ABHD13: variants seen among roughly 807,000 people sequenced by gnomAD.
The protein encoded by ABHD13 is abhydrolase domain containing 13, also known as protein ABHD13.
In ABHD13, 7 loss-of-function variants were observed where a neutral mutation model predicts 25.2. The ratio of observed to expected loss-of-function variants is 0.28; its 90% confidence interval spans 0.16 to 0.52. The LOEUF (loss-of-function observed/expected upper bound fraction) is 0.52. Among genes scored for constraint, ABHD13 ranks in the 20% least tolerant of loss-of-function variants. The probability of loss-of-function intolerance (pLI) is 0.96; values close to 1 mark genes in which losing one functional copy is unlikely to be tolerated. For missense variants in ABHD13, 302 were observed against 402.7 expected, an observed-to-expected ratio of 0.75 and a Z score of 2.14; for synonymous variants, 133 against 136.1, an observed-to-expected ratio of 0.98 and a Z score of 0.16.
rs1174542005 is a variant in ABHD13, at chr13:108,231,090, C to T, written c.*858C>T. ...AAGTCTTCAGCTGAACCACTAATAGCAGTCATAGTGAAGATTAGCACTACT... is the reference window on the plus strand; with the variant it reads ...AAGTCTTCAGCTGAACCACTAATAGTAGTCATAGTGAAGATTAGCACTACT... On this transcript the variant is annotated 3_prime_UTR_variant, in exon 2 of 2. Transcript: ENST00000375898. 6.0e-6 allele frequency: 1 copy of T among 166,626 alleles called. No individual in the cohort carries two copies. The highest frequency in any genetic ancestry group is 1.5e-5 in the Non-Finnish European group (1 of 67,954). 10.3% of individuals were successfully genotyped at this position (166,626 alleles called of 1,614,324 possible).
chr13:108,221,512 G>A (rs751698231), intron 1 of ABHD13, among the ~76,000 whole-genome samples: 63 of 152,204 alleles, frequency 4.1e-4, no homozygotes, highest in Non-Finnish European at 3.1e-4. Context: ...TGTGGATGTC[G>A]GCATTGACAC....
Position 108,226,629 on chromosome 13 carries a change from G to A in ABHD13, c.-20-2570G>A, listed in dbSNP as rs16972155. 6.7e-3 allele frequency among the ~76,000 whole-genome samples: 1,026 copies of A among 152,240 alleles called. 13 individuals carry two copies. The highest frequency in any genetic ancestry group is 0.024 in the African/African-American group (987 of 41,532). Reference sequence around the variant, plus strand: ...TGACAAAATCAATAGAAAACATAATGCTGGCTGTAGGATCCATGCAGTCGA... The same window carrying A: ...TGACAAAATCAATAGAAAACATAATACTGGCTGTAGGATCCATGCAGTCGA... On this transcript the variant is annotated intron_variant, in intron 1 of 1. Transcript: ENST00000375898.
chr13:108,222,497 A>G (rs1406556979), intron 1 of ABHD13, among the ~76,000 whole-genome samples: 1 of 152,160 alleles, frequency 6.6e-6, no homozygotes, highest in Non-Finnish European at 1.5e-5. Flanking sequence ...ATAAGGCAAT[A>G]CAGTTATATG....
chr13:108,222,253 T>C (rs1363117935), intron 1 of ABHD13, among the ~76,000 whole-genome samples: 1 of 152,170 alleles, frequency 6.6e-6, no homozygotes, highest in Non-Finnish European at 1.5e-5. Flanking sequence ...TATGATACAA[T>C]AGATTTGTCT....
intron 1 of ABHD13, among the ~76,000 whole-genome samples, chr13:108,219,201 C>T (rs2139006412): frequency 6.6e-6 from 1 of 152,212 alleles, no homozygotes. Flanking sequence ...AATATCATGA[C>T]AGGAAGTTCT....
intron 1 of ABHD13, among the ~76,000 whole-genome samples, chr13:108,227,555 G>T (rs1249034344): frequency 5.3e-5 from 8 of 152,002 alleles, no homozygotes; most frequent in Admixed American, 5.2e-4. Flanking sequence ...CCTTATTCGT[G>T]TATTTGGAGC....
chr13:108,231,738 A>T lies in ABHD13; in HGVS notation c.*1506A>T, dbSNP rs1329201809. 6.0e-6 allele frequency: 1 copy of T among 166,824 alleles called. No homozygotes were observed. 10.3% of individuals were successfully genotyped at this position (166,824 alleles called of 1,614,324 possible). On this transcript the variant is annotated 3_prime_UTR_variant, in exon 2 of 2. Transcript: ENST00000375898. ...TAGAACAGAGAAGTAATGGGTCAATAATCTTGACCTTAATTTAAAACTTTC... is the reference window on the plus strand; with the variant it reads ...TAGAACAGAGAAGTAATGGGTCAATTATCTTGACCTTAATTTAAAACTTTC...
chr13:108,221,850 T>G (rs1163073115), intron 1 of ABHD13, among the ~76,000 whole-genome samples: 1 of 152,084 alleles, frequency 6.6e-6, no homozygotes, highest in Non-Finnish European at 1.5e-5. Context: ...CACTTTTTTT[T>G]TTTTTTGAGA....
rs1213656619 is a variant in ABHD13, at chr13:108,233,995, C to T, written c.*3763C>T. 6.0e-6 allele frequency: 1 copy of T among 166,624 alleles called. No homozygotes were observed. Among genetic ancestry groups the T allele is most frequent in the Non-Finnish European group, 1.5e-5 (1 of 67,942 alleles). The allele number at this position is 166,624 out of a possible 1,614,324, so 10.3% of individuals were successfully genotyped here. ...TATGGAAAATTCAAGTTGTTTTTAACATATTCAAGTATGTTCAGTATAAAA... is the reference window on the plus strand; with the variant it reads ...TATGGAAAATTCAAGTTGTTTTTAATATATTCAAGTATGTTCAGTATAAAA... On this transcript the variant is annotated 3_prime_UTR_variant, in exon 2 of 2. Coordinates refer to ENST00000375898, the MANE Select transcript of ABHD13 (RefSeq NM_032859.3).
At position 108,232,218 on chromosome 13, in the gene ABHD13, A is replaced by G. The variant is rs956261018; in HGVS notation, c.*1986A>G. On this transcript the variant is annotated 3_prime_UTR_variant, in exon 2 of 2. Coordinates refer to ENST00000375898, the MANE Select transcript of ABHD13 (RefSeq NM_032859.3). ...GTATAAAAGCTATTTCTTCATCAGT[A>G]TTTTGCTTTTATGCTGCTTTTTCTT... The G allele has an allele frequency of 1.2e-5, 2 of 166,818 alleles. No individual in the cohort carries two copies. The highest frequency in any genetic ancestry group is 2.1e-4 in the South Asian group (1 of 4,826). The allele number at this position is 166,818 out of a possible 1,614,324, so 10.3% of individuals were successfully genotyped here.
In ABHD13 at chr13:108,233,714, T is replaced by TATAC. The variant is rs1555308992; in HGVS notation, c.*3483_*3484insTACA. On this transcript the variant is annotated 3_prime_UTR_variant, in exon 2 of 2. Transcript: ENST00000375898. ...TTATTCTTAATACTATATATATATA[T>TATAC]ACACACATAGTTTTAGCAAATTGGA... 6.0e-6 allele frequency: 1 copy of TATAC among 166,584 alleles called. No individual in the cohort carries two copies. Among genetic ancestry groups the TATAC allele is most frequent in the Admixed American group, 6.6e-5 (1 of 15,218 alleles). The allele number at this position is 166,584 out of a possible 1,614,324, so 10.3% of individuals were successfully genotyped here.
chr13:108,228,714 G>A (rs1390787706), intron 1 of ABHD13, among the ~76,000 whole-genome samples: 1 of 151,472 alleles, frequency 6.6e-6, no homozygotes, highest in African/African-American at 2.4e-5. Flanking sequence ...TGGAATTTCT[G>A]AACTGCCTTT....
At position 108,230,368 on chromosome 13, in the gene ABHD13, CG is replaced by C; in HGVS notation, c.*137del. On this transcript the variant is annotated 3_prime_UTR_variant, in exon 2 of 2. Coordinates refer to ENST00000375898, the MANE Select transcript of ABHD13 (RefSeq NM_032859.3). ...TTGAAAGGACTTCACTGCTCCTTTA[CG>C]ATATTCCAAATAGTTTTTTACATTG... 1 of 695,102 alleles carries C rather than the reference CG, an allele frequency of 1.4e-6. No homozygotes were observed. The highest frequency in any genetic ancestry group is 2.3e-6 in the Non-Finnish European group (1 of 433,676). 43.1% of individuals were successfully genotyped at this position (695,102 alleles called of 1,614,324 possible). A position where few individuals can be genotyped will look rare whatever the true frequency, so the allele number is the denominator to read the frequency against.
intron 1 of ABHD13, among the ~76,000 whole-genome samples, chr13:108,227,123 C>A (rs1326133845): frequency 6.6e-6 from 1 of 152,066 alleles, no homozygotes; most frequent in Non-Finnish European, 1.5e-5. Context: ...TATCACAAAA[C>A]AGTTTAGTTA....
chr13:108,220,753 C>A (rs958662095), intron 1 of ABHD13, among the ~76,000 whole-genome samples: 2 of 152,156 alleles, frequency 1.3e-5, no homozygotes, highest in Non-Finnish European at 2.9e-5. Context: ...CTAGATACTT[C>A]TAGTAAGGCT....
In ABHD13 at chr13:108,230,453, T is replaced by C; in HGVS notation, c.*221T>C. On this transcript the variant is annotated 3_prime_UTR_variant, in exon 2 of 2. Transcript: ENST00000375898. ...TTCATCAAAACTTTCAGTGTGATTA[T>C]GTATTCATATCTTCAGTTTAATATG... 2.1e-6 allele frequency: 1 copy of C among 471,272 alleles called. No homozygotes were observed. The highest frequency in any genetic ancestry group is 3.9e-6 in the Non-Finnish European group (1 of 256,842). 29.2% of individuals were successfully genotyped at this position (471,272 alleles called of 1,614,324 possible).
At chr13:108,220,230 G>C (rs1370607195) in intron 1 of ABHD13, among the ~76,000 whole-genome samples, 1 of 152,134 alleles carries the variant, frequency 6.6e-6, no homozygotes, top group South Asian at 2.1e-4. Context: ...AGTTAACTTG[G>C]AATGATTAAA....
intron 1 of ABHD13, among the ~76,000 whole-genome samples, chr13:108,227,567 A>C (rs192385514): frequency 7.7e-4 from 117 of 152,170 alleles, no homozygotes; most frequent in Non-Finnish European, 1.5e-3. Context: ...ATTTGGAGCT[A>C]TTTTATCTGG....
In ABHD13 at chr13:108,232,423, A is replaced by G; in HGVS notation, c.*2191A>G. 6.0e-6 allele frequency: 1 copy of G among 167,004 alleles called. No individual in the cohort carries two copies. 10.3% of individuals were successfully genotyped at this position (167,004 alleles called of 1,614,324 possible). A position where few individuals can be genotyped will look rare whatever the true frequency, so the allele number is the denominator to read the frequency against. ...ACCACCACTAGCATCTGTATTTGAGACTGTTTCCTTAGATGGGTAAGAGGT... is the reference window on the plus strand; with the variant it reads ...ACCACCACTAGCATCTGTATTTGAGGCTGTTTCCTTAGATGGGTAAGAGGT... On this transcript the variant is annotated 3_prime_UTR_variant, in exon 2 of 2. Transcript: ENST00000375898.
Sources: allele counts gnomAD v4.1 joint callset (sites outside exome capture counted in the v4.1 genomes callset), GRCh38; gene constraint gnomAD v4.1.1; transcripts MANE v1.5; gene names NCBI Gene and HGNC (gene_info 2026-07-23, HGNC 2026-07-21).